The following SVIL variants were observed in gnomAD, a reference collection of about 807,000 sequenced individuals.
The protein encoded by SVIL is archvillin.
In SVIL, 101 loss-of-function variants were observed where a neutral mutation model predicts 240.4. The ratio of observed to expected loss-of-function variants is 0.42; its 90% CI spans 0.36 to 0.50. The LOEUF is 0.50. SVIL is among the 20% of genes least tolerant of loss of function. The pLI is 0.01. For synonymous variants in SVIL, 999 were observed against 1,100.0 expected (o/e 0.91, Z 1.82); for missense variants, 2,512 against 2,818.7 (o/e 0.89, Z 2.46).
In SVIL at chr10:29,722,153, G is replaced by A. The variant is rs573364921; in HGVS notation, c.-400+13598C>T. ...CTGGGGAGGCTGAGGCCAGAGAATC[G>A]TTTGAACCCAGGAGGTGGAGGTTGC... On this transcript the variant is annotated intron_variant, in intron 1 of 35. Transcript: ENST00000375400. 7.3e-5 allele frequency among the ~76,000 whole-genome samples: 11 copies of A among 150,680 alleles called. No individual in the cohort carries two copies. In the East Asian group the frequency reaches 2.0e-3, roughly 27 times the overall value.
intron 34 of SVIL, 104 bp downstream of exon 34, chr10:29,465,491 C>T (rs751857528): frequency 9.9e-6 from 14 of 1,412,894 alleles, no homozygotes; most frequent in African/African-American, 4.3e-5. Context: ...TGGGAATGTA[C>T]TTGGCAAACA....
chr10:29,656,467 T>A (rs190734129), intron 3 of SVIL, among the ~76,000 whole-genome samples: 4,124 of 151,278 alleles, frequency 0.027, 69 homozygotes, highest in Non-Finnish European at 0.034. Flanking sequence ...CTTTTTTTTT[T>A]AAAAAAAAGA....
chr10:29,555,016 C>T (rs760420131), intron 4 of SVIL, 35 bp downstream of exon 4: 2 of 1,612,778 alleles, frequency 1.2e-6, no homozygotes, highest in Admixed American at 1.7e-5. Context: ...GCCAAGCTCT[C>T]TTCTACTTCC....
At chr10:29,650,908 C>A (rs1384507946) in intron 3 of SVIL, among the ~76,000 whole-genome samples, 1 of 152,188 alleles carries the variant, frequency 6.6e-6, no homozygotes, top group Non-Finnish European at 1.5e-5. Flanking sequence ...GTCTGGGCAG[C>A]AACAGGAGAC....
At chr10:29,721,889 C>T (rs911599841) in intron 1 of SVIL, among the ~76,000 whole-genome samples, 21 of 152,174 alleles carry the variant, frequency 1.4e-4, no homozygotes, top group African/African-American at 5.1e-4. Context: ...TTTTGTCTGG[C>T]TTGCAGGCTA....
chr10:29,464,546 A>G (rs1250447429), intron 34 of SVIL, among the ~76,000 whole-genome samples: 1 of 152,144 alleles, frequency 6.6e-6, no homozygotes, highest in East Asian at 1.9e-4. Context: ...CCAGGTGGCA[A>G]AATGCCTCTC....
At chr10:29,619,956 C>T (rs1957569999) in intron 1 of SVIL, among the ~76,000 whole-genome samples, 1 of 151,892 alleles carries the variant, frequency 6.6e-6, no homozygotes, top group South Asian at 2.1e-4. Flanking sequence ...ACAAAGATAA[C>T]AGAGAAGAAA....
At chr10:29,474,787 G>C (rs963061410) in intron 29 of SVIL, among the ~76,000 whole-genome samples, 3 of 152,158 alleles carry the variant, frequency 2.0e-5, no homozygotes, top group Admixed American at 2.0e-4. Context: ...AAGCACAAAG[G>C]AAAAAATGCA....
intron 1 of SVIL, among the ~76,000 whole-genome samples, chr10:29,592,974 T>C (rs1041135484): frequency 1.3e-5 from 2 of 152,214 alleles, no homozygotes; most frequent in Non-Finnish European, 2.9e-5. Context: ...ATTTATTAAA[T>C]TGTTGTAGGG....
chr10:29,656,457 CT>C (rs1051385443), intron 3 of SVIL, among the ~76,000 whole-genome samples: 60 of 148,860 alleles, frequency 4.0e-4, no homozygotes, highest in African/African-American at 9.4e-4. Flanking sequence ...TCCCATATAG[CT>C]TTTTTTTTTA....
intron 1 of SVIL, among the ~76,000 whole-genome samples, chr10:29,690,001 G>A (rs899647551): frequency 6.6e-5 from 10 of 152,124 alleles, no homozygotes; most frequent in Non-Finnish European, 1.5e-4. Context: ...ATCTAACGTT[G>A]GTGACAAGAT....
At chr10:29,659,802 T>C (rs1445936972) in intron 2 of SVIL, among the ~76,000 whole-genome samples, 3 of 152,118 alleles carry the variant, frequency 2.0e-5, no homozygotes, top group Non-Finnish European at 4.4e-5. Context: ...CGTTTTTTGT[T>C]CCAACAATAA....
chr10:29,657,840 C>T (rs1959052255), intron 3 of SVIL: 1 of 152,192 alleles, frequency 6.6e-6, no homozygotes, highest in South Asian at 2.1e-4. Flanking sequence ...CTTCTTCGAG[C>T]TCTGGTTTGT....
Position 29,651,907 on chromosome 10 carries a change from G to T in SVIL, c.-201+6062C>A, listed in dbSNP as rs553775275. On this transcript the variant is annotated intron_variant, in intron 3 of 35. Transcript: ENST00000375400. ...CATCTCCTTCTGAGAAATTGCTCAA[G>T]ACCAAAATTTAGAGGTCATTCTTAA... is the stretch of plus-strand genomic sequence containing the variant. 4.6e-4 allele frequency among the ~76,000 whole-genome samples: 70 copies of T among 152,054 alleles called. 1 individual carries two copies. In the South Asian group the frequency reaches 0.014, roughly 30 times the overall value.
At chr10:29,699,177 TA>T (rs1317784826) in intron 1 of SVIL, among the ~76,000 whole-genome samples, 1 of 152,196 alleles carries the variant, frequency 6.6e-6, no homozygotes, top group African/African-American at 2.4e-5. Context: ...TTGCCCAGGC[TA>T]GAATGCAGTG....
At chr10:29,506,682 A>AGGGAAAGGACAGAGGCCTCAGT (rs1949330187) in intron 17 of SVIL, among the ~76,000 whole-genome samples, 2 of 112,988 alleles carry the variant, frequency 1.8e-5, no homozygotes, top group Non-Finnish European at 4.0e-5. Context: ...AGGCCCTATG[A>AGGGAAAGGACAGAGGCCTCAGT]GGGAGGGGAC....
At chr10:29,695,387 A>G (rs773087013) in intron 1 of SVIL, among the ~76,000 whole-genome samples, 4 of 152,252 alleles carry the variant, frequency 2.6e-5, no homozygotes, top group East Asian at 1.9e-4. Flanking sequence ...TGACTTCACC[A>G]CTACACAATT....
intron 1 of SVIL, among the ~76,000 whole-genome samples, chr10:29,633,364 C>T (rs1263499577): frequency 6.6e-6 from 1 of 151,888 alleles, no homozygotes; most frequent in Non-Finnish European, 1.5e-5. Flanking sequence ...TTTTACTCAA[C>T]AGGGGATACC....
intron 1 of SVIL, among the ~76,000 whole-genome samples, chr10:29,726,608 G>A (rs1964305710): frequency 6.6e-6 from 1 of 152,060 alleles, no homozygotes; most frequent in African/African-American, 2.4e-5. Flanking sequence ...TTAGCCAGCT[G>A]TGGTGGCAGG....
Sources: gnomAD v4.1 joint callset for allele counts (sites outside exome capture counted in the v4.1 genomes callset) on GRCh38, gnomAD v4.1.1 for gene constraint, MANE v1.5 for transcripts, NCBI Gene and HGNC (gene_info 2026-07-23, HGNC 2026-07-21) for gene names.